KAT2B: variants seen among roughly 807,000 people sequenced by gnomAD.
KAT2B encodes the protein histone acetyltransferase KAT2B.
In KAT2B, 36 loss-of-function variants were observed where a neutral mutation model predicts 105.9. That is an observed-to-expected ratio of 0.34 (90% CI 0.26 to 0.45). KAT2B has a LOEUF of 0.45. Ranked by LOEUF, KAT2B falls within the 20% of genes least tolerant of loss-of-function variation. The pLI, the probability that KAT2B is intolerant of heterozygous loss-of-function variation, is 1.00. For missense variants in KAT2B, 820 were observed against 1,021.6 expected (o/e 0.80, Z 2.69); for synonymous variants, 397 against 377.9 (o/e 1.05, Z -0.59).
chr3:20,122,941 A>T, intron 9 of KAT2B, 137 bp downstream of exon 9: 7 of 1,371,758 alleles, frequency 5.1e-6, no homozygotes, highest in Non-Finnish European at 6.6e-6. Flanking sequence ...CCTGGTGGTC[A>T]GTGTGGAGAG....
At position 20,087,589 on chromosome 3, in the gene KAT2B, G is replaced by A. The variant is rs1698643277; in HGVS notation, c.431-7674G>A. Among the ~76,000 whole-genome samples, 3 of 152,152 alleles carry A rather than the reference G, an allele frequency of 2.0e-5. No homozygotes were observed. In the South Asian group the frequency reaches 6.2e-4, roughly 32 times the overall value. On this transcript the variant is annotated intron_variant, in intron 2 of 17. Transcript: ENST00000263754. ...TATTATTATTAATGATAGTCACCAT[G>A]CCACACAATTGATCTCCAGAACTTC...
intron 1 of KAT2B, among the ~76,000 whole-genome samples, chr3:20,053,744 A>G (rs889302324): frequency 1.8e-4 from 27 of 152,288 alleles, no homozygotes; most frequent in Non-Finnish European, 3.5e-4. Context: ...AAAGTCTACA[A>G]TAGACTTTCT....
At chr3:20,129,877 G>C (rs1387320972) in intron 11 of KAT2B, among the ~76,000 whole-genome samples, 2 of 152,108 alleles carry the variant, frequency 1.3e-5, no homozygotes, top group Non-Finnish European at 2.9e-5. Flanking sequence ...TCCCTGAAAG[G>C]AATCATTCTC....
chr3:20,048,403 G>A (rs1365641023), intron 1 of KAT2B, among the ~76,000 whole-genome samples: 1 of 152,186 alleles, frequency 6.6e-6, no homozygotes, highest in African/African-American at 2.4e-5. Context: ...ATAGCGATTT[G>A]TGATATAGCG....
chr3:20,116,966 A>G (rs948265994), intron 7 of KAT2B, among the ~76,000 whole-genome samples: 5 of 152,172 alleles, frequency 3.3e-5, no homozygotes, highest in African/African-American at 9.7e-5. Context: ...CTGCCAATAT[A>G]CAGCATACAC....
chr3:20,144,444 A>G (rs78699704), intron 13 of KAT2B, among the ~76,000 whole-genome samples: 9,720 of 151,298 alleles, frequency 0.064, 818 homozygotes, highest in East Asian at 0.21. Flanking sequence ...ACCCGCCACC[A>G]TGCCCAGCTA....
chr3:20,136,995 C>CA lies in KAT2B; in HGVS notation c.1804dup (p.Ile602AsnfsTer10). 6.2e-7 allele frequency: 1 copy of CA among 1,611,436 alleles called. No individual in the cohort carries two copies. The highest frequency in any genetic ancestry group is 8.5e-7 in the Non-Finnish European group (1 of 1,177,708). ...TGAAAGAATATCACATAAAGCATGA[C>CA]ATCCTGAACTTCCTCACATATGCAG... is the stretch of plus-strand genomic sequence containing the variant. On this transcript the variant is annotated frameshift_variant, in exon 12 of 18. Transcript: ENST00000263754. LOFTEE classifies it high-confidence loss of function.
intron 7 of KAT2B, among the ~76,000 whole-genome samples, chr3:20,118,319 CT>C (rs1163826308): frequency 1.4e-5 from 2 of 138,978 alleles, no homozygotes; most frequent in African/African-American, 5.4e-5. Flanking sequence ...TATATATTTT[CT>C]CCTAAATTTG....
rs1575146823 is a variant in KAT2B, at chr3:20,122,741, G to A, written c.1350G>A (p.Pro450=). The part of the protein sequence containing the change: ...AKKPRVMGDI[P]MELINEVMST... ...AACCCCGAGTTATGGGGGATATTCC[G>A]ATGGAATTAATCAACGAGGTTATGT... Residue 450 remains proline (P), a synonymous_variant, in exon 9 of 18, where the codon CCG becomes CCA. Coordinates refer to ENST00000263754, the MANE Select transcript of KAT2B (RefSeq NM_003884.5). 4.3e-6 allele frequency: 7 copies of A among 1,613,982 alleles called. No individual in the cohort carries two copies. The East Asian group carries it at 8.9e-5, about 21-fold the overall frequency.
chr3:20,078,877 C>CT (rs200121446), intron 2 of KAT2B, among the ~76,000 whole-genome samples: 14,057 of 133,632 alleles, frequency 0.11, 1,255 homozygotes, highest in South Asian at 0.32. Context: ...ACTCCCAGAG[C>CT]TTTTTTTTTT....
intron 2 of KAT2B, among the ~76,000 whole-genome samples, chr3:20,082,954 A>G (rs1698545938): frequency 6.6e-6 from 1 of 152,164 alleles, no homozygotes; most frequent in African/African-American, 2.4e-5. Flanking sequence ...ATGAAAAACA[A>G]ACAACTCCCT....
At chr3:20,121,842 A>G (rs1048125916) in intron 8 of KAT2B, among the ~76,000 whole-genome samples, 7 of 151,098 alleles carry the variant, frequency 4.6e-5, no homozygotes, top group African/African-American at 1.7e-4. Context: ...CAAGCCTGCC[A>G]AGATTGAATG....
At chr3:20,065,571 GT>G (rs1050489279) in intron 1 of KAT2B, among the ~76,000 whole-genome samples, 6 of 105,012 alleles carry the variant, frequency 5.7e-5, no homozygotes, top group Non-Finnish European at 1.3e-4. Context: ...AGCATTGACT[GT>G]TTTTTAAAGG....
chr3:20,110,350 C>T (rs1699097783), intron 5 of KAT2B, among the ~76,000 whole-genome samples: 1 of 151,844 alleles, frequency 6.6e-6, no homozygotes, highest in South Asian at 2.1e-4. Context: ...CTGGGAAATT[C>T]ACATCTTCAC....
At chr3:20,054,663 G>A (rs1007435814) in intron 1 of KAT2B, among the ~76,000 whole-genome samples, 3 of 152,202 alleles carry the variant, frequency 2.0e-5, no homozygotes, top group Non-Finnish European at 4.4e-5. Context: ...AGAAGTACAA[G>A]GATGAGACCT....
intron 17 of KAT2B, among the ~76,000 whole-genome samples, chr3:20,150,071 G>A (rs1316897408): frequency 6.6e-6 from 1 of 152,168 alleles, no homozygotes; most frequent in East Asian, 1.9e-4. Flanking sequence ...TCCCACCCGT[G>A]AAGGTTGTGA....
chr3:20,107,223 G>A (rs553785202), intron 5 of KAT2B, among the ~76,000 whole-genome samples: 16 of 147,508 alleles, frequency 1.1e-4, no homozygotes, highest in Admixed American at 5.4e-4. Flanking sequence ...TAGAGACGGC[G>A]TTTCACCATG....
rs560701121 is a variant in KAT2B, at chr3:20,086,441, A to T, written c.431-8822A>T. On this transcript the variant is annotated intron_variant, in intron 2 of 17. Coordinates refer to ENST00000263754, the MANE Select transcript of KAT2B (RefSeq NM_003884.5). ...TGGTGAAACTTTGCGCCAACGGAAA[A>T]TACAAAAAAATTAGCCAGGCATGGT... Among the ~76,000 whole-genome samples the T allele has an allele frequency of 2.0e-5, 3 of 152,230 alleles. No individual in the cohort carries two copies. In the South Asian group the frequency reaches 6.2e-4, roughly 32 times the overall value.
At chr3:20,051,027 CT>C (rs933735751) in intron 1 of KAT2B, among the ~76,000 whole-genome samples, 1 of 151,862 alleles carries the variant, frequency 6.6e-6, no homozygotes, top group African/African-American at 2.4e-5. Context: ...ATGACAAAAC[CT>C]TGTTTCTACT....
Sources: gnomAD v4.1 joint callset for allele counts (sites outside exome capture counted in the v4.1 genomes callset) on GRCh38, gnomAD v4.1.1 for gene constraint, MANE v1.5 for transcripts, NCBI Gene and HGNC (gene_info 2026-07-23, HGNC 2026-07-21) for gene names.